SLC3A1: variants seen among roughly 807,000 people sequenced by gnomAD.
The protein encoded by SLC3A1 is amino acid transporter heavy chain SLC3A1.
A neutral mutation model predicts 60.3 loss-of-function variants in SLC3A1; 78 were observed. The ratio of observed to expected loss-of-function variants is 1.29; its 90% confidence interval spans 1.08 to 1.56. The LOEUF is 1.56. Ranked by LOEUF, SLC3A1 falls within the 40% of genes most tolerant of loss-of-function variation. The probability of loss-of-function intolerance (pLI) is 0.00; values close to 1 mark genes in which losing one functional copy is unlikely to be tolerated. For synonymous variants in SLC3A1, 392 were observed against 307.9 expected, an observed-to-expected ratio of 1.27 and a Z score of -2.86; for missense variants, 1,172 against 858.9, an observed-to-expected ratio of 1.36 and a Z score of -4.56.
At chr2:44,284,278 C>G (rs1440007116) in intron 3 of SLC3A1, among the ~76,000 whole-genome samples, 1 of 152,120 alleles carries the variant, frequency 6.6e-6, no homozygotes, top group African/African-American at 2.4e-5. Context: ...CAGGGTTTCA[C>G]CATATTGGCC....
chr2:44,303,629 A>G (rs1251948962), intron 6 of SLC3A1, among the ~76,000 whole-genome samples: 1 of 151,926 alleles, frequency 6.6e-6, no homozygotes, highest in African/African-American at 2.4e-5. Context: ...TGTGTACAAC[A>G]TGCAGGTTTG....
chr2:44,306,550 C>CT (rs11290172), intron 7 of SLC3A1, among the ~76,000 whole-genome samples: 7,249 of 101,066 alleles, frequency 0.072, 526 homozygotes, highest in East Asian at 0.33. Context: ...TACCATAAAA[C>CT]TTTTTTTTTT....
intron 9 of SLC3A1, chr2:44,319,715 G>C (rs893853481): frequency 5.9e-5 from 9 of 153,618 alleles, no homozygotes; most frequent in African/African-American, 2.2e-4. Flanking sequence ...AGCTGTGCAA[G>C]AAATACATGT....
chr2:44,286,712 G>A (rs1671622987), intron 4 of SLC3A1, among the ~76,000 whole-genome samples: 2 of 148,668 alleles, frequency 1.3e-5, no homozygotes, highest in African/African-American at 5.0e-5. Context: ...GAGCTGTGCG[G>A]TGTCTGTGAC....
rs1337624339 is a variant in SLC3A1, at chr2:44,321,065, G to T, written c.*426G>T. 2.6e-5 allele frequency: 11 copies of T among 415,392 alleles called. No individual in the cohort carries two copies. The highest frequency in any genetic ancestry group is 2.0e-4 in the African/African-American group (10 of 49,806). The allele number at this position is 415,392 out of a possible 1,614,324, so 25.7% of individuals were successfully genotyped here. A position where few individuals can be genotyped will look rare whatever the true frequency, so the allele number is the denominator to read the frequency against. On this transcript the variant is annotated 3_prime_UTR_variant, in exon 10 of 10. Transcript: ENST00000260649. ...AACTGCTCAACTGTTCTGACTGGAA[G>T]GGAGGCCTGGAGCTCTGCTATCACC...
chr2:44,294,343 A>G (rs763919445), intron 4 of SLC3A1, among the ~76,000 whole-genome samples: 66 of 151,998 alleles, frequency 4.3e-4, no homozygotes, highest in Non-Finnish European at 5.7e-4. Flanking sequence ...CATCTCTACT[A>G]AAAATACAAA....
intron 6 of SLC3A1, among the ~76,000 whole-genome samples, chr2:44,302,133 C>T (rs762941711): frequency 4.6e-5 from 7 of 152,058 alleles, no homozygotes; most frequent in Admixed American, 1.3e-4. Flanking sequence ...TTTCCTAGTA[C>T]AGTATATAAA....
intron 4 of SLC3A1, among the ~76,000 whole-genome samples, chr2:44,297,915 G>A (rs1558460974): frequency 6.6e-6 from 1 of 152,082 alleles, no homozygotes; most frequent in African/African-American, 2.4e-5. Flanking sequence ...TCTTTTCAAG[G>A]TTCATCCATG....
intron 9 of SLC3A1, 37 bp from the exon 10 acceptor site, chr2:44,320,162 A>C (rs990735822): frequency 3.3e-6 from 5 of 1,516,018 alleles, no homozygotes; most frequent in Middle Eastern, 2.0e-4. Context: ...AATTCTTAGA[A>C]TCAAACACTT....
intron 9 of SLC3A1, chr2:44,319,510 TTA>T (rs1442524728): frequency 6.6e-6 from 1 of 152,276 alleles, no homozygotes; most frequent in Admixed American, 6.5e-5. Context: ...GGAGGCTATA[TTA>T]TATAGTCAAT....
In SLC3A1 at chr2:44,304,297, T is replaced by TGGATGGAAAACATGCC; in HGVS notation, c.1292_1307dup (p.Glu437AspfsTer11). ...CAGCGTGTATGAGGTTATCACATCCTGGATGGAAAACATGCCAGAAGGAAA... is the reference window on the plus strand; with the variant it reads ...CAGCGTGTATGAGGTTATCACATCCTGGATGGAAAACATGCCGGATGGAAAACATGCCAGAAGGAAA... On this transcript the variant is annotated frameshift_variant, in exon 7 of 10. Coordinates refer to ENST00000260649, the MANE Select transcript of SLC3A1 (RefSeq NM_000341.4). LOFTEE classifies it high-confidence loss of function. The TGGATGGAAAACATGCC allele has an allele frequency of 6.2e-7, 1 of 1,614,206 alleles. No homozygotes were observed. Among genetic ancestry groups the TGGATGGAAAACATGCC allele is most frequent in the Non-Finnish European group, 8.5e-7 (1 of 1,180,018 alleles).
At chr2:44,310,175 G>A (rs1197765108) in intron 7 of SLC3A1, among the ~76,000 whole-genome samples, 2 of 151,234 alleles carry the variant, frequency 1.3e-5, no homozygotes, top group Admixed American at 6.6e-5. Context: ...TTACAGGTGT[G>A]AGCCACTGTG....
At chr2:44,312,976 G>A (rs1309633427) in intron 8 of SLC3A1, among the ~76,000 whole-genome samples, 1 of 151,560 alleles carries the variant, frequency 6.6e-6, no homozygotes, top group Non-Finnish European at 1.5e-5. Context: ...AGTTTCTTGG[G>A]TAGGGCATTT....
intron 7 of SLC3A1, among the ~76,000 whole-genome samples, chr2:44,306,490 T>A (rs1672159596): frequency 6.6e-6 from 1 of 152,036 alleles, no homozygotes; most frequent in Non-Finnish European, 1.5e-5. Flanking sequence ...AATGTAAGTA[T>A]TAAAACTATA....
Position 44,304,319 on chromosome 2 carries a change from G to T in SLC3A1, c.1313G>T (p.Gly438Val). The T allele has an allele frequency of 6.2e-7, 1 of 1,613,800 alleles. No homozygotes were observed. The highest frequency in any genetic ancestry group is 8.5e-7 in the Non-Finnish European group (1 of 1,179,664). ...ITSWMENMPE[G>V]KWPNWMIGGP... ...TCCTGGATGGAAAACATGCCAGAAG[G>T]AAAATGGCCTAACTGGATGGTAAGT... Residue 438 changes from glycine (G) to valine (V), a missense_variant, in exon 7 of 10, where the codon GGA becomes GTA. Physicochemically the swap from Gly to Val is moderately radical, Grantham distance 109. Transcript: ENST00000260649.
At position 44,312,840 on chromosome 2, in the gene SLC3A1, T is replaced by A. The variant is rs1424556926; in HGVS notation, c.1500+87T>A. ...TTTTGCCAAATCAGAGAACTTACTA[T>A]CTCTCTATTGCATTGCTGAAAATCA... On this transcript the variant is annotated intron_variant, in intron 8 of 9. Coordinates refer to ENST00000260649, the MANE Select transcript of SLC3A1 (RefSeq NM_000341.4). The A allele has an allele frequency of 4.8e-5, 50 of 1,050,976 alleles. 1 individual carries two copies. In the Admixed American group the frequency reaches 9.4e-4, roughly 20 times the overall value. 65.1% of individuals were successfully genotyped at this position (1,050,976 alleles called of 1,614,324 possible). A position where few individuals can be genotyped will look rare whatever the true frequency, so the allele number is the denominator to read the frequency against.
chr2:44,313,409 G>A (rs76965980), intron 8 of SLC3A1, among the ~76,000 whole-genome samples: 2,465 of 152,194 alleles, frequency 0.016, 84 homozygotes, highest in African/African-American at 0.057. Context: ...ATTTGTGTGT[G>A]TGCACTCATG....
chr2:44,316,362 G>C (rs909489126), intron 9 of SLC3A1: 1 of 152,274 alleles, frequency 6.6e-6, no homozygotes, highest in African/African-American at 2.4e-5. Flanking sequence ...AAGTATAAAA[G>C]ACTGTCAAAC....
In SLC3A1 at chr2:44,312,652, A is replaced by G. The variant is rs1216343981; in HGVS notation, c.1399A>G (p.Met467Val). 9 of 1,613,840 alleles carry G rather than the reference A, an allele frequency of 5.6e-6. No individual in the cohort carries two copies. In the East Asian group the frequency reaches 8.9e-5, roughly 16 times the overall value. Reference protein sequence around the residue: ...LGNQYVNVMNMLLFTLPGTPI... With the variant: ...LGNQYVNVMNVLLFTLPGTPI... ...GAATCAGTATGTCAACGTGATGAAC[A>G]TGCTTCTTTTCACACTCCCTGGAAC... is the stretch of plus-strand genomic sequence containing the variant. Residue 467 changes from methionine to valine, a missense_variant, in exon 8 of 10, where the codon ATG becomes GTG. Transcript: ENST00000260649.
Sources: gnomAD v4.1 joint callset for allele counts (sites outside exome capture counted in the v4.1 genomes callset) on GRCh38, gnomAD v4.1.1 for gene constraint, MANE v1.5 for transcripts, NCBI Gene and HGNC (gene_info 2026-07-23, HGNC 2026-07-21) for gene names.